Variants in FBN2 observed in about 807,000 individuals in gnomAD.
FBN2 encodes the protein fibrillin 2, also known as fibrillin-2.
FBN2 carries 105 observed loss-of-function variants against 355.6 expected under a neutral mutation model. The observed-to-expected ratio is 0.30, with a 90% CI of 0.25 to 0.35. The LOEUF is 0.35. Among genes scored for constraint, FBN2 ranks in the 10% least tolerant of loss-of-function variants. FBN2 has a pLI of 1.00. For missense variants in FBN2, 3,280 were observed against 3,758.7 expected (o/e 0.87, Z 3.33); for synonymous variants, 1,350 against 1,301.2 (o/e 1.04, Z -0.81).
At chr5:128,535,528 T>C (rs930392212) in intron 2 of FBN2, among the ~76,000 whole-genome samples, 3 of 152,158 alleles carry the variant, frequency 2.0e-5, no homozygotes, top group Non-Finnish European at 2.9e-5. Flanking sequence ...AATGTGGTTG[T>C]GCTACATAAA....
At chr5:128,357,710 C>A (rs1751539572) in intron 19 of FBN2, among the ~76,000 whole-genome samples, 1 of 152,110 alleles carries the variant, frequency 6.6e-6, no homozygotes, top group Admixed American at 6.6e-5. Context: ...AGATGCAATT[C>A]CAGGTGCAAC....
chr5:128,281,950 A>T (rs1219078865), intron 55 of FBN2, among the ~76,000 whole-genome samples: 1 of 152,122 alleles, frequency 6.6e-6, no homozygotes, highest in Non-Finnish European at 1.5e-5. Flanking sequence ...TCGGCCTCCC[A>T]AAGTGCTGGG....
At chr5:128,401,552 G>A (rs1284227985) in intron 8 of FBN2, among the ~76,000 whole-genome samples, 1 of 152,148 alleles carries the variant, frequency 6.6e-6, no homozygotes, top group African/African-American at 2.4e-5. Flanking sequence ...GGAGGCCGAG[G>A]TGGGTGGATC....
In FBN2 at chr5:128,290,897, G is replaced by T; in HGVS notation, c.6293-13C>A. The T allele has an allele frequency of 6.2e-7, 1 of 1,612,406 alleles. No homozygotes were observed. The highest frequency in any genetic ancestry group is 8.5e-7 in the Non-Finnish European group (1 of 1,178,584). Reference sequence around the variant, plus strand: ...CTCTGGCGAGTATCTAATCAAAAAAGCAAACATTACAGATGGAATTATTTT... The same window carrying T: ...CTCTGGCGAGTATCTAATCAAAAAATCAAACATTACAGATGGAATTATTTT... On this transcript the variant is annotated splice_polypyrimidine_tract_variant and intron_variant, in intron 49 of 64. Coordinates refer to ENST00000262464, the MANE Select transcript of FBN2 (RefSeq NM_001999.4).
At position 128,274,610 on chromosome 5, in the gene FBN2, A is replaced by G; in HGVS notation, c.7668T>C (p.Cys2556=). 1 of 1,612,984 alleles carries G rather than the reference A, an allele frequency of 6.2e-7. No homozygotes were observed. Among genetic ancestry groups the G allele is most frequent in the East Asian group, 2.2e-5 (1 of 44,872 alleles). ...LCVNTLGGFT[C]KCPPGFTQHH... ...GCTGTGTGAAACCAGGTGGACATTT[A>G]CAGGTAAACCCCCCCAGGGTGTTGA... The change falls in exon 60 of 65, where the codon TGT becomes TGC. Residue 2556 remains cysteine (C), a synonymous_variant. Transcript: ENST00000262464.
At chr5:128,406,260 C>T (rs1752924447) in intron 8 of FBN2, among the ~76,000 whole-genome samples, 1 of 152,146 alleles carries the variant, frequency 6.6e-6, no homozygotes, top group Non-Finnish European at 1.5e-5. Flanking sequence ...TATCTTCCAC[C>T]CACAAATTTA....
At position 128,537,353 on chromosome 5, in the gene FBN2, C is replaced by G. The variant is rs747084358; in HGVS notation, c.251G>C (p.Arg84Pro). The change falls in exon 1 of 65, where the codon CGA becomes CCA. Residue 84 changes from arginine (R) to proline (P), a missense_variant. By Grantham distance (103) the Arg-to-Pro change is moderately radical. Around this residue, in one of 6 missense-constraint regions of FBN2, gnomAD observed 203 missense variants for 142.2 expected, o/e 1.43. Transcript: ENST00000262464. ...GCGGAGCCGCTTGCCCACTTACCCT[C>G]GGAGCACGTCCTGCTGTCCTCGCCG... ...VRRRGQQDVL[R>P]GPNVCGSRFH... 2 of 1,610,450 alleles carry G rather than the reference C, an allele frequency of 1.2e-6. No homozygotes were observed. Among genetic ancestry groups the G allele is most frequent in the Non-Finnish European group, 1.7e-6 (2 of 1,179,796 alleles).
chr5:128,301,930 C>A (rs1463792104), intron 46 of FBN2, among the ~76,000 whole-genome samples: 6 of 152,038 alleles, frequency 3.9e-5, no homozygotes, highest in Non-Finnish European at 7.4e-5. Flanking sequence ...AATAAATGAG[C>A]TTATTTATTA....
chr5:128,319,577 G>T (rs1404577227), intron 34 of FBN2, among the ~76,000 whole-genome samples: 1 of 150,488 alleles, frequency 6.6e-6, no homozygotes, highest in Non-Finnish European at 1.5e-5. Flanking sequence ...TTTTTATTTT[G>T]TAATCTTATC....
chr5:128,300,994 T>C, intron 47 of FBN2, 58 bp from the exon 48 acceptor site: 1 of 1,530,436 alleles, frequency 6.5e-7, no homozygotes, highest in South Asian at 1.1e-5. Context: ...TTACATAGAT[T>C]TATCTGTCTG....
intron 25 of FBN2, among the ~76,000 whole-genome samples, chr5:128,340,819 C>T (rs980089232): frequency 6.7e-6 from 1 of 148,508 alleles, no homozygotes; most frequent in South Asian, 2.2e-4. Flanking sequence ...CTCTCTCTCC[C>T]TCTCTCTCTC....
intron 42 of FBN2, 44 bp downstream of exon 42, chr5:128,307,091 G>C (rs1376984344): frequency 5.1e-6 from 6 of 1,166,772 alleles, no homozygotes; most frequent in Non-Finnish European, 7.8e-6. Context: ...TTTACAGAAT[G>C]CTACACATAT....
intron 34 of FBN2, among the ~76,000 whole-genome samples, 166 bp from the exon 35 acceptor site, chr5:128,319,167 T>C (rs1388729996): frequency 6.6e-6 from 1 of 152,130 alleles, no homozygotes; most frequent in East Asian, 1.9e-4. Context: ...GGCAAGCAAC[T>C]AATGTTCACC....
chr5:128,512,133 A>G (rs1374455298), intron 5 of FBN2, among the ~76,000 whole-genome samples: 1 of 152,212 alleles, frequency 6.6e-6, no homozygotes, highest in Non-Finnish European at 1.5e-5. Flanking sequence ...AAAAGGTAAA[A>G]TAGTGAAACT....
chr5:128,329,049 C>T (rs1750626557), intron 33 of FBN2, among the ~76,000 whole-genome samples: 2 of 152,160 alleles, frequency 1.3e-5, no homozygotes, highest in Admixed American at 1.3e-4. Flanking sequence ...ATTTAACCTG[C>T]ACCCTAACAT....
chr5:128,355,403 C>T (rs981257960), intron 20 of FBN2, among the ~76,000 whole-genome samples: 6 of 152,104 alleles, frequency 3.9e-5, no homozygotes, highest in Admixed American at 2.6e-4. Flanking sequence ...ACCAGAACAC[C>T]ATAGTCTTTT....
At chr5:128,446,374 T>A (rs1471797457) in intron 7 of FBN2, 107 bp downstream of exon 7, 1 of 1,156,678 alleles carries the variant, frequency 8.6e-7, no homozygotes, top group Non-Finnish European at 1.3e-6. Flanking sequence ...TCATAGTAGA[T>A]AAAGAGTTTT....
chr5:128,310,388 ATATATATATATATATTTTTTTTTT>A (rs1478116511), intron 39 of FBN2, among the ~76,000 whole-genome samples: 4 of 74,070 alleles, frequency 5.4e-5, no homozygotes, highest in African/African-American at 1.7e-4. Flanking sequence ...ATATATATAT[ATATATATATATATATTTTTTTTTT>A]TTTTTTTTTA....
intron 5 of FBN2, among the ~76,000 whole-genome samples, chr5:128,489,164 G>A (rs1561482143): frequency 1.3e-5 from 2 of 152,062 alleles, no homozygotes. Context: ...AGCACCTGTT[G>A]TTTCCTGACT....
Sources: allele counts gnomAD v4.1 joint callset (sites outside exome capture counted in the v4.1 genomes callset), GRCh38; gene constraint gnomAD v4.1.1; regional missense constraint gnomAD v4.1.1; transcripts MANE v1.5; gene names NCBI Gene and HGNC (gene_info 2026-07-23, HGNC 2026-07-21).